The following ELMO1 variants were observed in gnomAD, a reference collection of about 807,000 sequenced individuals.
ELMO1 encodes the protein engulfment and cell motility protein 1.
ELMO1 carries 26 observed loss-of-function variants against 98.9 expected under a neutral mutation model. The ratio of observed to expected loss-of-function variants is 0.26; its 90% CI spans 0.19 to 0.36. ELMO1 has a LOEUF of 0.36. Among genes scored for constraint, ELMO1 ranks in the 10% least tolerant of loss-of-function variants. The probability of loss-of-function intolerance (pLI) is 1.00; values close to 1 mark genes in which losing one functional copy is unlikely to be tolerated. For synonymous variants in ELMO1, 346 were observed against 346.0 expected (o/e 1.00, Z 0.00); for missense variants, 627 against 935.2 (o/e 0.67, Z 4.30).
At chr7:36,860,799 C>T (rs910165115) in intron 21 of ELMO1, among the ~76,000 whole-genome samples, 1 of 152,200 alleles carries the variant, frequency 6.6e-6, no homozygotes, top group African/African-American at 2.4e-5. Flanking sequence ...GTTCTAAATG[C>T]AGGATTTGTG....
chr7:37,376,602 T>C (rs1802357451), intron 1 of ELMO1, among the ~76,000 whole-genome samples: 1 of 152,130 alleles, frequency 6.6e-6, no homozygotes, highest in African/African-American at 2.4e-5. Context: ...AGAAACTGAC[T>C]CAGCGCATGA....
intron 16 of ELMO1, among the ~76,000 whole-genome samples, chr7:37,012,501 A>G (rs1793630454): frequency 6.6e-6 from 1 of 152,226 alleles, no homozygotes; most frequent in South Asian, 2.1e-4. Context: ...AGCTGTATAT[A>G]GCAGCAAATT....
At chr7:37,069,835 C>T (rs1797177843) in intron 15 of ELMO1, among the ~76,000 whole-genome samples, 1 of 152,122 alleles carries the variant, frequency 6.6e-6, no homozygotes, top group African/African-American at 2.4e-5. Context: ...ATCCATCTTA[C>T]CAGCATAAGT....
intron 20 of ELMO1, 148 bp from the exon 21 acceptor site, chr7:36,861,884 C>A: frequency 1.4e-6 from 1 of 717,594 alleles, no homozygotes; most frequent in Admixed American, 2.1e-5. Flanking sequence ...AGGAACCATG[C>A]TCTTCAAGGT....
At chr7:37,016,169 T>C (rs1793917831) in intron 15 of ELMO1, among the ~76,000 whole-genome samples, 1 of 152,164 alleles carries the variant, frequency 6.6e-6, no homozygotes, top group East Asian at 1.9e-4. Flanking sequence ...AAAGTTTTTA[T>C]GTGATGAGTG....
intron 13 of ELMO1, among the ~76,000 whole-genome samples, chr7:37,206,544 G>GA (rs1792634005): frequency 6.6e-6 from 1 of 152,140 alleles, no homozygotes; most frequent in Admixed American, 6.5e-5. Flanking sequence ...TCTATTTGCT[G>GA]AAAAAATATT....
rs1419397661 is a variant in ELMO1 at position 36,984,796 on chromosome 7, A to T, written c.1437+28503T>A. ...CACATAAGACAGGAAATCACATTTT[A>T]AAAAAAGTAACATGATGAATCCTCA... is the stretch of plus-strand genomic sequence containing the variant. On this transcript the variant is annotated intron_variant, in intron 16 of 21. Coordinates refer to ENST00000310758, the MANE Select transcript of ELMO1 (RefSeq NM_014800.11). 27 of 671,738 alleles carry T rather than the reference A, an allele frequency of 4.0e-5. No individual in the cohort carries two copies. In the South Asian group the frequency reaches 9.2e-4, roughly 23 times the overall value. 41.6% of individuals were successfully genotyped at this position (671,738 alleles called of 1,614,324 possible).
At chr7:36,859,381 G>A (rs551494555) in intron 21 of ELMO1, among the ~76,000 whole-genome samples, 39 of 152,298 alleles carry the variant, frequency 2.6e-4, no homozygotes, top group Middle Eastern at 3.4e-3. Context: ...TACATAAAAT[G>A]ATATCCAGAT....
At chr7:36,939,842 A>G (rs911550991) in intron 16 of ELMO1, among the ~76,000 whole-genome samples, 2 of 152,276 alleles carry the variant, frequency 1.3e-5, no homozygotes, top group African/African-American at 4.8e-5. Flanking sequence ...GTGGAGTGGC[A>G]TCTGACCCAC....
chr7:37,230,402 C>T (rs572859393), intron 8 of ELMO1, among the ~76,000 whole-genome samples: 47 of 152,190 alleles, frequency 3.1e-4, no homozygotes, highest in Middle Eastern at 3.4e-3. Context: ...AGCAAGGCTC[C>T]GGGAACTATG....
At chr7:37,017,718 C>T (rs924846779) in intron 15 of ELMO1, among the ~76,000 whole-genome samples, 1 of 152,154 alleles carries the variant, frequency 6.6e-6, no homozygotes, top group Non-Finnish European at 1.5e-5. Context: ...GGAGACACCA[C>T]AGCAAATGGA....
intron 8 of ELMO1, among the ~76,000 whole-genome samples, chr7:37,226,102 G>C (rs920845148): frequency 1.3e-5 from 2 of 152,084 alleles, no homozygotes; most frequent in Non-Finnish European, 2.9e-5. Context: ...CTAGTCCGCT[G>C]ATTTCCAGGT....
chr7:37,063,280 G>C (rs35113016), intron 15 of ELMO1, among the ~76,000 whole-genome samples: 6,129 of 152,210 alleles, frequency 0.04, 152 homozygotes, highest in Middle Eastern at 0.088. Flanking sequence ...GAGGGCTGTA[G>C]GTTGTATTTT....
intron 4 of ELMO1, among the ~76,000 whole-genome samples, chr7:37,274,082 C>T (rs115014065): frequency 6.8e-4 from 104 of 152,232 alleles, no homozygotes; most frequent in African/African-American, 1.9e-3. Context: ...GGGTCACCTC[C>T]GGAGAGAGCT....
chr7:36,926,469 C>A (rs551654423), intron 16 of ELMO1, among the ~76,000 whole-genome samples: 1 of 151,656 alleles, frequency 6.6e-6, no homozygotes, highest in African/African-American at 2.4e-5. Context: ...CTTTGTGCGA[C>A]CCCCCTAGAG....
chr7:37,168,027 T>G (rs1346075520), intron 13 of ELMO1, among the ~76,000 whole-genome samples: 1 of 149,320 alleles, frequency 6.7e-6, no homozygotes. Context: ...TCTTGGAGGC[T>G]TTGTTCATTT....
intron 13 of ELMO1, among the ~76,000 whole-genome samples, chr7:37,205,854 T>C (rs1423748059): frequency 1.3e-5 from 2 of 152,198 alleles, no homozygotes; most frequent in Admixed American, 1.3e-4. Context: ...ACGGAATCCA[T>C]GAATAATGAG....
rs140315844 is a variant in ELMO1 at position 37,119,765 on chromosome 7, C to T, written c.1191+13365G>A. Among the ~76,000 whole-genome samples the T allele has an allele frequency of 1.2e-3, 180 of 152,214 alleles. 1 individual carries two copies. The highest frequency in any genetic ancestry group is 2.1e-3 in the South Asian group (10 of 4,820). ...ATATATGCTCTGTCTCACAACTGCACGAAAACATTGTGATTAATCTTATTT... is the reference window on the plus strand; with the variant it reads ...ATATATGCTCTGTCTCACAACTGCATGAAAACATTGTGATTAATCTTATTT... On this transcript the variant is annotated intron_variant, in intron 14 of 21. Coordinates refer to ENST00000310758, the MANE Select transcript of ELMO1 (RefSeq NM_014800.11).
At chr7:37,320,297 G>C (rs1346983647) in intron 2 of ELMO1, among the ~76,000 whole-genome samples, 1 of 149,300 alleles carries the variant, frequency 6.7e-6, no homozygotes, top group Non-Finnish European at 1.5e-5. Flanking sequence ...AAAAAAAAAA[G>C]TGTCAGTCAC....
Sources: gnomAD v4.1 joint callset for allele counts (sites outside exome capture counted in the v4.1 genomes callset) on GRCh38, gnomAD v4.1.1 for gene constraint, MANE v1.5 for transcripts, NCBI Gene and HGNC (gene_info 2026-07-23, HGNC 2026-07-21) for gene names.